RNF123: variants seen among roughly 807,000 people sequenced by gnomAD.
The protein encoded by RNF123 is E3 ubiquitin-protein ligase RNF123.
Under a neutral mutation model 168.5 loss-of-function variants are expected in RNF123, and 86 were observed. The observed-to-expected ratio is 0.51, with a 90% CI of 0.43 to 0.61. RNF123 has a LOEUF of 0.61. RNF123 is among the 20% of genes least tolerant of loss of function. The probability of loss-of-function intolerance (pLI) is 0.00; values close to 1 mark genes in which losing one functional copy is unlikely to be tolerated. For synonymous variants in RNF123, 666 were observed against 689.1 expected (o/e 0.97, Z 0.52); for missense variants, 1,419 against 1,729.7 (o/e 0.82, Z 3.19).
At chr3:49,702,180 T>C (rs777145876) in intron 18 of RNF123, 36 bp downstream of exon 18, 1 of 1,608,228 alleles carries the variant, frequency 6.2e-7, no homozygotes, top group Non-Finnish European at 8.5e-7. Context: ...TGGGGCCCTG[T>C]GGGGAGGGAT....
intron 7 of RNF123, 95 bp downstream of exon 7, chr3:49,698,232 G>A: frequency 8.4e-7 from 1 of 1,188,828 alleles, no homozygotes; most frequent in African/African-American, 1.5e-5. Context: ...GAACTGCCTA[G>A]GACCCTAACT....
intron 35 of RNF123, 112 bp downstream of exon 35, chr3:49,716,589 A>G (rs2080249371): frequency 5.3e-6 from 5 of 952,102 alleles, no homozygotes; most frequent in Non-Finnish European, 8.2e-6. Context: ...GGACCTCAGC[A>G]TCAGGTTTTG....
In RNF123 at chr3:49,713,627, G is replaced by A. The variant is rs1042867169; in HGVS notation, c.2749+40G>A. On this transcript the variant is annotated intron_variant, in intron 28 of 38. Coordinates refer to ENST00000327697, the MANE Select transcript of RNF123 (RefSeq NM_022064.5). The stretch of plus-strand genomic sequence containing the variant: ...CAGAGGGTACAGGGGGAGGGGGATG[G>A]GATGGCACCTCTGGTCGGCTTTCTT... The A allele has an allele frequency of 2.5e-6, 4 of 1,598,294 alleles. No homozygotes were observed. The Admixed American group carries it at 7.0e-5, about 28-fold the overall frequency.
rs1315241674 is a variant in RNF123, at chr3:49,704,655, C to T, written c.1858C>T (p.Leu620Phe). ...SHLRKTLKDD[L>F]ASKANIVIDP... ...CCTCCTGCTCTTCCTCCCAGATGAC[C>T]TTGCTTCCAAAGCCAACATTGTGAT... The change falls in exon 22 of 39, where the codon CTT becomes TTT. Residue 620 changes from leucine (L) to phenylalanine (F), a missense_variant. Physicochemically the swap from Leu to Phe is conservative, Grantham distance 22. Transcript: ENST00000327697. The T allele has an allele frequency of 6.2e-7, 1 of 1,609,322 alleles. No individual in the cohort carries two copies.
intron 35 of RNF123, chr3:49,718,209 C>T: frequency 3.7e-6 from 6 of 1,612,336 alleles, no homozygotes; most frequent in Non-Finnish European, 4.2e-6. Flanking sequence ...GTGTTTGGGG[C>T]CAGCGGCGGC....
At chr3:49,706,755 A>G in intron 25 of RNF123, 36 bp from the exon 26 acceptor site, 1 of 1,580,176 alleles carries the variant, frequency 6.3e-7, no homozygotes, top group Non-Finnish European at 8.7e-7. Context: ...GTATGGGGCC[A>G]TGTCTTGATT....
At chr3:49,718,908 A>G in intron 35 of RNF123, 13 of 1,613,672 alleles carry the variant, frequency 8.1e-6, no homozygotes, top group Non-Finnish European at 9.3e-6. Context: ...GGTCCAGAGT[A>G]AGCAGGTGGG....
rs2054349870 is a variant in RNF123 at position 49,700,135 on chromosome 3, C to G, written c.985-92C>G. On this transcript the variant is annotated intron_variant, in intron 12 of 38. Coordinates refer to ENST00000327697, the MANE Select transcript of RNF123 (RefSeq NM_022064.5). ...TGCTCGAGTGGCTCAAGGCTCTGTG[C>G]CTGAGGCTTGTGCCTTGGCCATGTG... The G allele has an allele frequency of 2.6e-6, 4 of 1,562,858 alleles. No individual in the cohort carries two copies. The South Asian group carries it at 3.5e-5, about 14-fold the overall frequency.
At position 49,698,516 on chromosome 3, in the gene RNF123, A is replaced by G; in HGVS notation, c.560A>G (p.Asn187Ser). 6.2e-7 allele frequency: 1 copy of G among 1,613,896 alleles called. No homozygotes were observed. ...RVRKWNVTTT[N>S]YGKAWAAGDI... ...CGCAAGTGGAATGTGACCACAACGA[A>G]TTATGGCAAGGTGAGAGCCAAGCCC... The change falls in exon 8 of 39, where the codon AAT (asparagine) becomes AGT (serine). Residue 187 changes from asparagine (N) to serine (S), a missense_variant. Around this residue, in one of 5 missense-constraint regions of RNF123, gnomAD observed 318 missense variants for 446.6 expected, o/e 0.71. Transcript: ENST00000327697.
chr3:49,703,782 C>T (rs555427015), intron 21 of RNF123, among the ~76,000 whole-genome samples: 2 of 152,266 alleles, frequency 1.3e-5, no homozygotes, highest in East Asian at 1.9e-4. Context: ...GTGGATGGGG[C>T]GTGCAGGTGC....
chr3:49,695,332 T>G (rs1057126062), intron 3 of RNF123, among the ~76,000 whole-genome samples: 3 of 152,056 alleles, frequency 2.0e-5, no homozygotes, highest in Non-Finnish European at 4.4e-5. Flanking sequence ...ACCCCTGGGC[T>G]CAAGTGATTC....
chr3:49,704,463 G>A (rs917005464), intron 21 of RNF123, among the ~76,000 whole-genome samples, 187 bp from the exon 22 acceptor site: 6 of 152,128 alleles, frequency 3.9e-5, no homozygotes, highest in Admixed American at 2.0e-4. Context: ...GCAGCTAGAC[G>A]GGGCCCTTGA....
At chr3:49,694,234 A>G (rs1260577878) in intron 3 of RNF123, among the ~76,000 whole-genome samples, 1 of 152,248 alleles carries the variant, frequency 6.6e-6, no homozygotes, top group Admixed American at 6.5e-5. Flanking sequence ...AATAAACTAC[A>G]CATACTTAAA....
rs199686521 is a variant in RNF123 at position 49,719,260 on chromosome 3, C to G, written c.3501-1251C>G. The G allele has an allele frequency of 1.2e-6, 2 of 1,613,346 alleles. No homozygotes were observed. Among genetic ancestry groups the G allele is most frequent in the Admixed American group, 3.3e-5 (2 of 60,020 alleles). On this transcript the variant is annotated intron_variant, in intron 35 of 38. Coordinates refer to ENST00000327697, the MANE Select transcript of RNF123 (RefSeq NM_022064.5). ...GCGCAGGCGCTGGAGCGCGTTGTGGCTCAGGTCGAGGTCCGCAGTAGCGGC... is the reference window on the plus strand; with the variant it reads ...GCGCAGGCGCTGGAGCGCGTTGTGGGTCAGGTCGAGGTCCGCAGTAGCGGC...
intron 35 of RNF123, chr3:49,719,648 T>C: frequency 1.7e-6 from 1 of 587,206 alleles, no homozygotes; most frequent in Middle Eastern, 4.6e-4. Context: ...GGTGCGGCAC[T>C]CTTAGCCGCG....
chr3:49,705,872 C>T, intron 24 of RNF123, 110 bp from the exon 25 acceptor site: 2 of 1,461,130 alleles, frequency 1.4e-6, no homozygotes, highest in South Asian at 1.2e-5. Flanking sequence ...ATGGGACCGC[C>T]CTGGGCCTAA....
intron 3 of RNF123, among the ~76,000 whole-genome samples, chr3:49,696,372 A>G (rs112848517): frequency 6.7e-6 from 1 of 149,976 alleles, no homozygotes; most frequent in East Asian, 2.0e-4. Context: ...TTTTTGAGAC[A>G]GAGTCTTGCT....
Position 49,700,338 on chromosome 3 carries a change from T to G in RNF123, c.1096T>G (p.Trp366Gly), listed in dbSNP as rs1407044119. The G allele has an allele frequency of 5.0e-6, 8 of 1,614,206 alleles. No homozygotes were observed. The highest frequency in any genetic ancestry group is 6.8e-6 in the Non-Finnish European group (8 of 1,180,014). The change falls in exon 13 of 39, where the codon TGG becomes GGG. Residue 366 changes from tryptophan (W) to glycine (G), a missense_variant. Physicochemically the swap from Trp to Gly is radical, Grantham distance 184. Coordinates refer to ENST00000327697, the MANE Select transcript of RNF123 (RefSeq NM_022064.5). ...SVVHQVLDLL[W>G]LFMEDYEVQD... ...GGTGCACCAGGTCCTGGACCTCTTG[T>G]GGCTCTTCATGGAGGTGAGGCTCCT...
Position 49,699,642 on chromosome 3 carries a change from C to T in RNF123, c.880-26C>T. 6.2e-7 allele frequency: 1 copy of T among 1,613,238 alleles called. No homozygotes were observed. The highest frequency in any genetic ancestry group is 8.5e-7 in the Non-Finnish European group (1 of 1,179,490). ...CTTCCACAGCCTCCTGCCCCTCACA[C>T]TTCTCCCTCCTCCCCCTCCACACAG... On this transcript the variant is annotated intron_variant, in intron 11 of 38. Coordinates refer to ENST00000327697, the MANE Select transcript of RNF123 (RefSeq NM_022064.5). The surrounding 1 kb of genome is among the most constrained non-coding windows in gnomAD (Gnocchi z 4.8).
Sources: gnomAD v4.1 joint callset for allele counts (sites outside exome capture counted in the v4.1 genomes callset) on GRCh38, gnomAD v4.1.1 for gene constraint, gnomAD v4.1.1 regional missense constraint, Gnocchi (gnomAD v3.1) non-coding constraint, MANE v1.5 for transcripts, NCBI Gene and HGNC (gene_info 2026-07-23, HGNC 2026-07-21) for gene names.